NIN: variants seen among roughly 807,000 people sequenced by gnomAD.
The protein encoded by NIN is glycogen synthase kinase 3 beta-interacting protein.
In NIN, 137 loss-of-function variants were observed where a neutral mutation model predicts 257.6. The ratio of observed to expected loss-of-function variants is 0.53; its 90% CI spans 0.46 to 0.61. NIN has a LOEUF of 0.61. NIN is among the 20% of genes least tolerant of loss of function. NIN has a pLI of 0.00. For synonymous variants in NIN, 918 were observed against 919.8 expected, an observed-to-expected ratio of 1.00 and a Z score of 0.04; for missense variants, 2,439 against 2,501.2, an observed-to-expected ratio of 0.98 and a Z score of 0.53.
chr14:50,820,524 C>T (rs1305754403), intron 3 of NIN, among the ~76,000 whole-genome samples: 1 of 152,156 alleles, frequency 6.6e-6, no homozygotes, highest in Non-Finnish European at 1.5e-5. Context: ...TCCCCAAGGA[C>T]CATACTGGGA....
At chr14:50,735,459 C>G (rs2040929488) in intron 28 of NIN, 57 bp downstream of exon 28, 1 of 1,582,212 alleles carries the variant, frequency 6.3e-7, no homozygotes, top group Non-Finnish European at 8.6e-7. Context: ...CCAACAAATA[C>G]CTCATTCATG....
At chr14:50,796,433 A>G (rs2043841487) in intron 4 of NIN, among the ~76,000 whole-genome samples, 2 of 152,330 alleles carry the variant, frequency 1.3e-5, no homozygotes, top group Admixed American at 1.3e-4. Flanking sequence ...GCACGTGGGG[A>G]AAACATCTGA....
intron 28 of NIN, among the ~76,000 whole-genome samples, chr14:50,734,851 ATT>A (rs761296440): frequency 8.9e-5 from 12 of 135,432 alleles, no homozygotes; most frequent in Admixed American, 1.5e-4. Context: ...TAATTTTTGT[ATT>A]TTTTTTTTTT....
rs77708675 is a variant in NIN at position 50,764,949 on chromosome 14, C to A, written c.1636-985G>T. On this transcript the variant is annotated intron_variant, in intron 14 of 30. Coordinates refer to ENST00000530997, the MANE Select transcript of NIN (RefSeq NM_020921.4). Reference sequence around the variant, plus strand: ...GAATTTATACCTTCAATGGGTAAAACATATAGTGTATAAAGCTGTTAAGAA... The same window carrying A: ...GAATTTATACCTTCAATGGGTAAAAAATATAGTGTATAAAGCTGTTAAGAA... Among the ~76,000 whole-genome samples the A allele has an allele frequency of 8.5e-3, 1,256 of 148,298 alleles. 82 individuals carry two copies. The East Asian group carries it at 0.19, about 22-fold the overall frequency.
intron 3 of NIN, among the ~76,000 whole-genome samples, chr14:50,809,715 T>C (rs1451905972): frequency 6.6e-6 from 1 of 152,216 alleles, no homozygotes; most frequent in Non-Finnish European, 1.5e-5. Flanking sequence ...CCCTGACACA[T>C]GACAAAGACA....
At chr14:50,806,058 T>A (rs900655281) in intron 4 of NIN, 2 of 152,252 alleles carry the variant, frequency 1.3e-5, no homozygotes, top group Non-Finnish European at 1.5e-5. Flanking sequence ...GAATTTACAA[T>A]TAATGTCATT....
upstream of NIN, among the ~76,000 whole-genome samples, chr14:50,831,499 G>A (rs1254010046): frequency 6.6e-6 from 1 of 152,148 alleles, no homozygotes. Flanking sequence ...TCGCGCAGAG[G>A]AAGGGCCCCC....
At chr14:50,789,263 C>A (rs546819387) in intron 5 of NIN, among the ~76,000 whole-genome samples, 128 of 152,182 alleles carry the variant, frequency 8.4e-4, no homozygotes, top group Non-Finnish European at 8.1e-4. Flanking sequence ...GAGAAAAAAG[C>A]GGCCAGCAGT....
chr14:50,746,759 T>C (rs1253265924), intron 22 of NIN, among the ~76,000 whole-genome samples: 2 of 152,176 alleles, frequency 1.3e-5, no homozygotes, highest in Non-Finnish European at 2.9e-5. Context: ...ATGTTTAGGA[T>C]GCAAATTGTT....
chr14:50,744,206 G>C, intron 23 of NIN, 37 bp downstream of exon 23: 5 of 1,607,588 alleles, frequency 3.1e-6, no homozygotes, highest in Non-Finnish European at 3.4e-6. Flanking sequence ...GGTGTGTATT[G>C]TATACGATGA....
chr14:50,766,163 T>TTTTA (rs1333293934), intron 14 of NIN, 144 bp downstream of exon 14: 1 of 656,036 alleles, frequency 1.5e-6, no homozygotes, highest in Admixed American at 2.6e-5. Flanking sequence ...TGGTGGGTAC[T>TTTTA]TTTATTTTTA....
chr14:50,750,335 T>C (rs2041734246), intron 21 of NIN, among the ~76,000 whole-genome samples: 1 of 152,204 alleles, frequency 6.6e-6, no homozygotes, highest in Non-Finnish European at 1.5e-5. Context: ...TTAGAAACCA[T>C]GAGTTTATCC....
intron 7 of NIN, among the ~76,000 whole-genome samples, chr14:50,775,170 C>A (rs1034725153): frequency 6.6e-6 from 1 of 152,088 alleles, no homozygotes; most frequent in Admixed American, 6.6e-5. Context: ...TAAAATGGAG[C>A]CAAATCTTTG....
At chr14:50,741,968 T>C (rs1380075078) in intron 24 of NIN, 8 of 430,160 alleles carry the variant, frequency 1.9e-5, no homozygotes, top group Non-Finnish European at 2.1e-5. Context: ...GATAGTCATC[T>C]GGTAGATTAC....
intron 5 of NIN, among the ~76,000 whole-genome samples, chr14:50,784,718 C>T (rs527475882): frequency 6.6e-5 from 10 of 152,316 alleles, no homozygotes; most frequent in Admixed American, 3.9e-4. Flanking sequence ...ACACTGTAAA[C>T]GTACATAACT....
intron 5 of NIN, among the ~76,000 whole-genome samples, chr14:50,782,178 T>C (rs1271663084): frequency 1.3e-5 from 2 of 152,186 alleles, no homozygotes; most frequent in African/African-American, 4.8e-5. Context: ...TTATATGTTA[T>C]GGGTAGCACT....
chr14:50,752,759 C>G (rs1388808061), intron 20 of NIN, 26 bp from the exon 21 acceptor site: 2 of 1,275,744 alleles, frequency 1.6e-6, no homozygotes, highest in East Asian at 4.9e-5. Flanking sequence ...ATAAGTTTTT[C>G]AAACTTGTTA....
chr14:50,730,781 ATAT>A (rs1217637874), intron 28 of NIN: 3 of 434,650 alleles, frequency 6.9e-6, no homozygotes, highest in Non-Finnish European at 3.5e-6. Context: ...GTAAACAGAC[ATAT>A]TATACCATTA....
At chr14:50,824,750 G>A (rs1174343161) in intron 2 of NIN, among the ~76,000 whole-genome samples, 1 of 152,066 alleles carries the variant, frequency 6.6e-6, no homozygotes, top group African/African-American at 2.4e-5. Context: ...GAGAGGAAAC[G>A]TACCCTAAAT....
Sources: gnomAD v4.1 joint callset for allele counts (sites outside exome capture counted in the v4.1 genomes callset) on GRCh38, gnomAD v4.1.1 for gene constraint, MANE v1.5 for transcripts, NCBI Gene and HGNC (gene_info 2026-07-23, HGNC 2026-07-21) for gene names.